The following DMD variants were observed in gnomAD, a reference collection of about 807,000 sequenced individuals.
DMD encodes the protein mutant dystrophin.
A neutral mutation model predicts 330.1 loss-of-function variants in DMD; 63 were observed. That is an observed-to-expected ratio of 0.19 (90% CI 0.16 to 0.24). DMD has a LOEUF of 0.24. Ranked by LOEUF, DMD falls within the 10% of genes least tolerant of loss-of-function variation. DMD has a pLI of 1.00. For missense variants in DMD, 3,344 were observed against 2,684.1 expected (o/e 1.25, Z -5.43); for synonymous variants, 1,223 against 959.8 (o/e 1.27, Z -5.07).
chrX:32,039,558 T>C (rs2095981832), intron 44 of DMD, among the ~76,000 whole-genome samples: 2 of 111,616 alleles, frequency 1.8e-5, no homozygotes, highest in Non-Finnish European at 3.8e-5. Flanking sequence ...CCAGGGCATC[T>C]GTCTATGAGT....
At chrX:32,022,549 G>C (rs968753314) in intron 44 of DMD, among the ~76,000 whole-genome samples, 10 of 112,230 alleles carry the variant, frequency 8.9e-5, no homozygotes, top group South Asian at 3.6e-4. Flanking sequence ...GAATTTTTAA[G>C]AGAAAAAGGG....
At chrX:32,101,130 T>C (rs1473440919) in intron 44 of DMD, among the ~76,000 whole-genome samples, 1 of 112,136 alleles carries the variant, frequency 8.9e-6, no homozygotes, top group Non-Finnish European at 1.9e-5. Flanking sequence ...AGTGATATTA[T>C]GTATAAGTGT....
chrX:31,829,928 C>T (rs918593430), intron 49 of DMD, among the ~76,000 whole-genome samples: 1 of 112,161 alleles, frequency 8.9e-6, no homozygotes, highest in Non-Finnish European at 1.9e-5. Flanking sequence ...AAAATGCTTC[C>T]CTAATTTCAG....
At chrX:31,645,045 C>T (rs2080003139) in intron 54 of DMD, among the ~76,000 whole-genome samples, 1 of 111,737 alleles carries the variant, frequency 8.9e-6, no homozygotes, top group Non-Finnish European at 1.9e-5. Context: ...TGAGTTACTT[C>T]CATTCTATTA....
chrX:32,019,718 C>T (rs2095793722), intron 44 of DMD, among the ~76,000 whole-genome samples: 1 of 112,268 alleles, frequency 8.9e-6, no homozygotes, highest in African/African-American at 3.2e-5. Flanking sequence ...AAATTTGTTC[C>T]TAAGTCTTGT....
rs1410720849 is a variant in DMD, at chrX:31,585,467, T to A, written c.8217+42206A>T. On this transcript the variant is annotated intron_variant, in intron 55 of 78. Transcript: ENST00000357033. Reference sequence around the variant, plus strand: ...TTCTCTTTTTTCGCCCTGTGAACAATTTAATATTTGGCTTCTTCCTTTTTT... The same window carrying A: ...TTCTCTTTTTTCGCCCTGTGAACAAATTAATATTTGGCTTCTTCCTTTTTT... Among the ~76,000 whole-genome samples, 4 of 105,395 alleles carry A rather than the reference T, an allele frequency of 3.8e-5. No homozygotes were observed. The East Asian group carries it at 1.2e-3, about 32-fold the overall frequency. The allele number at this position is 105,395 out of a possible 115,157, so 91.5% of individuals were successfully genotyped here.
intron 60 of DMD, among the ~76,000 whole-genome samples, chrX:31,415,738 T>C (rs1197207192): frequency 9.0e-6 from 1 of 111,121 alleles, no homozygotes; most frequent in Non-Finnish European, 1.9e-5. Flanking sequence ...CCTCCTCCCA[T>C]TCTCTTATTA....
chrX:32,005,124 T>C (rs184779855), intron 44 of DMD, among the ~76,000 whole-genome samples: 2 of 111,865 alleles, frequency 1.8e-5, no homozygotes, highest in East Asian at 5.7e-4. Flanking sequence ...ATATTAGCTA[T>C]ATACATTGTC....
intron 32 of DMD, among the ~76,000 whole-genome samples, chrX:32,389,297 G>C (rs181271289): frequency 3.1e-4 from 35 of 111,413 alleles, no homozygotes; most frequent in African/African-American, 1.1e-3. Flanking sequence ...TTTATATTCT[G>C]CACAGTTCTT....
chrX:31,971,742 GAAC>G (rs747465848), intron 44 of DMD, among the ~76,000 whole-genome samples: 7 of 111,660 alleles, frequency 6.3e-5, no homozygotes, highest in Non-Finnish European at 1.1e-4. Flanking sequence ...TTCACACAGT[GAAC>G]AACATTAATT....
intron 67 of DMD, among the ~76,000 whole-genome samples, chrX:31,187,787 G>T (rs1051877599): frequency 2.4e-5 from 2 of 82,369 alleles, no homozygotes; most frequent in Non-Finnish European, 4.8e-5. Context: ...GAGAGAGAGA[G>T]AACAAGCAAG....
At chrX:32,171,465 G>A (rs924903859) in intron 44 of DMD, among the ~76,000 whole-genome samples, 1 of 111,513 alleles carries the variant, frequency 9.0e-6, no homozygotes, top group Non-Finnish European at 1.9e-5. Context: ...TAATGCTTCT[G>A]TTGCTAATTT....
chrX:32,150,398 T>A (rs183598630), intron 44 of DMD, among the ~76,000 whole-genome samples: 38 of 111,797 alleles, frequency 3.4e-4, no homozygotes, highest in African/African-American at 1.1e-3. Flanking sequence ...TGCCAATCAT[T>A]TTTCCTATTG....
chrX:32,687,448 C>A (rs1170306349), intron 9 of DMD, among the ~76,000 whole-genome samples: 1 of 111,777 alleles, frequency 8.9e-6, no homozygotes, highest in Non-Finnish European at 1.9e-5. Context: ...GGACCCCTGA[C>A]TATGGAAGAA....
chrX:32,504,530 G>T (rs1336150066), intron 18 of DMD, among the ~76,000 whole-genome samples: 1 of 110,724 alleles, frequency 9.0e-6, no homozygotes, highest in Non-Finnish European at 1.9e-5. Context: ...TGGAGGCTGA[G>T]GCAGGAAAAT....
intron 9 of DMD, among the ~76,000 whole-genome samples, chrX:32,682,265 A>G (rs59690733): frequency 2.9e-3 from 320 of 111,445 alleles, no homozygotes; most frequent in African/African-American, 8.7e-3. Flanking sequence ...ATTCCACAAG[A>G]CCCATCGATT....
At chrX:32,973,226 G>C (rs1049213048) in intron 2 of DMD, among the ~76,000 whole-genome samples, 3 of 111,983 alleles carry the variant, frequency 2.7e-5, no homozygotes, top group African/African-American at 9.7e-5. Context: ...GTTTATTCTC[G>C]TGATTTTAAA....
intron 29 of DMD, among the ~76,000 whole-genome samples, chrX:32,413,918 A>G (rs1196572319): frequency 9.2e-6 from 1 of 109,068 alleles, no homozygotes. Flanking sequence ...ACAGGGTTTC[A>G]CCAATTTGCC....
At chrX:31,666,800 G>A (rs945696200) in intron 53 of DMD, among the ~76,000 whole-genome samples, 53 of 111,675 alleles carry the variant, frequency 4.7e-4, no homozygotes, top group African/African-American at 1.7e-3. Flanking sequence ...TTGTGTGATG[G>A]AGGCTCCCAT....
Sources: gnomAD v4.1 joint callset for allele counts (sites outside exome capture counted in the v4.1 genomes callset) on GRCh38, gnomAD v4.1.1 for gene constraint, MANE v1.5 for transcripts, NCBI Gene and HGNC (gene_info 2026-07-23, HGNC 2026-07-21) for gene names.